Variants in KRT8 observed in about 807,000 individuals in gnomAD.
KRT8 encodes the protein keratin, type II cytoskeletal 8.
A neutral mutation model predicts 43.0 loss-of-function variants in KRT8; 24 were observed. That is an observed-to-expected ratio of 0.56 (90% CI 0.40 to 0.78). The LOEUF is 0.78. Among genes scored for constraint, KRT8 ranks in the 30% least tolerant of loss-of-function variants. The pLI, the probability that KRT8 is intolerant of heterozygous loss-of-function variation, is 0.00. For synonymous variants in KRT8, 214 were observed against 261.2 expected (o/e 0.82, Z 1.74); for missense variants, 492 against 638.4 (o/e 0.77, Z 2.47).
intron 2 of KRT8, among the ~76,000 whole-genome samples, chr12:52,944,382 C>T (rs1004067213): frequency 6.6e-6 from 1 of 152,214 alleles, no homozygotes; most frequent in African/African-American, 2.4e-5. Flanking sequence ...AGGCATGAGC[C>T]ACCTGGCCGA....
chr12:52,906,035 C>T (rs1167905650), upstream of KRT8, among the ~76,000 whole-genome samples: 1 of 152,158 alleles, frequency 6.6e-6, no homozygotes, highest in Non-Finnish European at 1.5e-5. Context: ...GAGCTGAGAT[C>T]GTGCCACTGC....
chr12:52,949,709 G>A (rs1492241), intron 1 of KRT8: 54,124 of 946,478 alleles, frequency 0.057, 2,521 homozygotes, highest in East Asian at 0.2. Context: ...AGGGGGTTGG[G>A]CATACCTGGA....
intron 2 of KRT8, chr12:52,947,705 T>TTTTC (rs1942370661): frequency 7.0e-6 from 1 of 143,836 alleles, no homozygotes; most frequent in Admixed American, 6.9e-5. Flanking sequence ...CTCAAATTTT[T>TTTTC]TTTTTTTTTT....
chr12:52,937,874 C>A (rs1161097197), intron 2 of KRT8, among the ~76,000 whole-genome samples: 1 of 150,482 alleles, frequency 6.6e-6, no homozygotes, highest in Non-Finnish European at 1.5e-5. Context: ...GTGGCACACA[C>A]CTGTAGTCCC....
chr12:52,938,446 T>C (rs1168958551), intron 2 of KRT8, among the ~76,000 whole-genome samples: 12 of 151,450 alleles, frequency 7.9e-5, no homozygotes. Context: ...TGATTACTAG[T>C]GTGAGACTCC....
At chr12:52,910,266 T>A (rs1592169786), upstream of KRT8, among the ~76,000 whole-genome samples, 1 of 152,134 alleles carries the variant, frequency 6.6e-6, no homozygotes, top group East Asian at 1.9e-4. Context: ...CGTGCTCAGG[T>A]CGCACCCCGT....
At chr12:52,902,750 G>A (rs1376809518) in intron 1 of KRT8, among the ~76,000 whole-genome samples, 3 of 151,878 alleles carry the variant, frequency 2.0e-5, no homozygotes, top group East Asian at 2.0e-4. Flanking sequence ...GGAGGCTCAC[G>A]CTTGTAATCC....
chr12:52,926,153 C>T (rs1352840532), intron 2 of KRT8, among the ~76,000 whole-genome samples: 4 of 150,664 alleles, frequency 2.7e-5, no homozygotes, highest in South Asian at 4.3e-4. Flanking sequence ...TGCCCCCCGC[C>T]CCCCACCACC....
At chr12:52,938,171 T>TATATATATATATATGTA (rs1350561374) in intron 2 of KRT8, among the ~76,000 whole-genome samples, 1 of 29,796 alleles carries the variant, frequency 3.4e-5, no homozygotes, top group African/African-American at 1.7e-4. Context: ...TATATATATA[T>TATATATATATATATGTA]TTTTTTTTTT....
intron 2 of KRT8, among the ~76,000 whole-genome samples, chr12:52,941,148 C>T (rs1005500928): frequency 6.6e-6 from 1 of 150,936 alleles, no homozygotes; most frequent in African/African-American, 2.4e-5. Flanking sequence ...CTCACCACAA[C>T]CTCCGCCTCC....
rs375180700 is a variant in KRT8, at chr12:52,904,904, C to T, written c.78G>A (p.Thr26=). ...AGCTGATGCGGGAACCGGGCCCACT[C>T]GTGTAGGAGCGGCTGCTGAAGGCCC... Residue 26 remains threonine (T), a synonymous_variant, in exon 1 of 8, where the codon ACG becomes ACA. Coordinates refer to ENST00000692008, the Ensembl canonical transcript of KRT8. The T allele has an allele frequency of 5.6e-5, 91 of 1,612,778 alleles. No individual in the cohort carries two copies. In the South Asian group the frequency reaches 6.1e-4, roughly 11 times the overall value.
rs368959353 is a variant in KRT8 at position 52,901,248 on chromosome 12, A to G, written c.534-29T>C. 11 of 1,564,944 alleles carry G rather than the reference A, an allele frequency of 7.0e-6. No homozygotes were observed. The East Asian group carries it at 1.8e-4, about 25-fold the overall frequency. ...TGAGGAAAAGACTTACAATTAGAGG[A>G]TGAAGGCAAAAGGGAGGTTGCCCTT... On this transcript the variant is annotated intron_variant, in intron 2 of 7. Coordinates refer to ENST00000692008, the Ensembl canonical transcript of KRT8.
chr12:52,935,478 G>C (rs1942155349), intron 2 of KRT8, among the ~76,000 whole-genome samples: 1 of 143,734 alleles, frequency 7.0e-6, no homozygotes, highest in African/African-American at 2.6e-5. Flanking sequence ...GTATCACGAG[G>C]TCAGGAGATC....
chr12:52,901,780 G>T, intron 2 of KRT8, 84 bp downstream of exon 2: 2 of 932,142 alleles, frequency 2.1e-6, no homozygotes, highest in South Asian at 2.6e-5. Flanking sequence ...CACAACAGAG[G>T]GCCATGGGGA....
intron 2 of KRT8, among the ~76,000 whole-genome samples, chr12:52,943,019 G>C (rs1241378202): frequency 6.6e-6 from 1 of 152,052 alleles, no homozygotes; most frequent in Non-Finnish European, 1.5e-5. Flanking sequence ...TCTCAAGCAG[G>C]ATTAGTGTTT....
chr12:52,906,220 A>G (rs1941514793), upstream of KRT8, among the ~76,000 whole-genome samples: 1 of 152,210 alleles, frequency 6.6e-6, no homozygotes, highest in Admixed American at 6.5e-5. Flanking sequence ...AATGATGAAC[A>G]GGGCTAGAAG....
chr12:52,902,818 C>A (rs578051946), intron 1 of KRT8, among the ~76,000 whole-genome samples: 5 of 152,218 alleles, frequency 3.3e-5, no homozygotes, highest in African/African-American at 1.2e-4. Context: ...TCGAGACCAG[C>A]CTGGCCAACA....
At chr12:52,935,195 A>G (rs1436569204) in intron 2 of KRT8, among the ~76,000 whole-genome samples, 1 of 151,790 alleles carries the variant, frequency 6.6e-6, no homozygotes, top group African/African-American at 2.4e-5. Context: ...AGCCTGGCCA[A>G]CACGGCAAAA....
At chr12:52,923,990 G>A (rs371381238) in intron 2 of KRT8, among the ~76,000 whole-genome samples, 3 of 151,518 alleles carry the variant, frequency 2.0e-5, no homozygotes, top group Non-Finnish European at 2.9e-5. Context: ...GATTACAGGC[G>A]CCCGCCACCA....
Sources: allele counts gnomAD v4.1 joint callset (sites outside exome capture counted in the v4.1 genomes callset), GRCh38; gene constraint gnomAD v4.1.1; transcripts MANE v1.5; gene names NCBI Gene and HGNC (gene_info 2026-07-23, HGNC 2026-07-21).